The following MRTFB variants were observed in gnomAD, a reference collection of about 807,000 sequenced individuals.
The protein encoded by MRTFB is myocardin related transcription factor B.
A neutral mutation model predicts 104.2 loss-of-function variants in MRTFB; 29 were observed. That is an observed-to-expected ratio of 0.28 (90% CI 0.21 to 0.38). MRTFB has a LOEUF of 0.38. Ranked by LOEUF, MRTFB falls within the 10% of genes least tolerant of loss-of-function variation. The pLI is 1.00. For missense variants in MRTFB, 1,270 were observed against 1,341.6 expected (o/e 0.95, Z 0.83); for synonymous variants, 535 against 519.5 (o/e 1.03, Z -0.41).
the MRTFB span, among the ~76,000 whole-genome samples, chr16:14,058,718 T>G: frequency 2.2e-5 from 3 of 135,966 alleles, no homozygotes; most frequent in African/African-American, 5.6e-5. Context: ...ATTTGTTTTT[T>G]TTTTTTTTTT....
chr16:14,053,204 G>A, the MRTFB span, among the ~76,000 whole-genome samples: 1 of 151,958 alleles, frequency 6.6e-6, no homozygotes, highest in Non-Finnish European at 1.5e-5. Context: ...GGAATAATAG[G>A]CACAAACCAC....
intron 16 of MRTFB, among the ~76,000 whole-genome samples, 194 bp from the exon 17 acceptor site, chr16:14,260,715 A>G (rs895178533): frequency 1.3e-5 from 2 of 152,214 alleles, no homozygotes; most frequent in African/African-American, 2.4e-5. Flanking sequence ...ATGTTTATCT[A>G]TTTGACTAAA....
intron 3 of MRTFB, among the ~76,000 whole-genome samples, chr16:14,162,152 CAAAAAAAAA>C (rs376183467): frequency 3.2e-5 from 2 of 62,676 alleles, no homozygotes; most frequent in African/African-American, 4.4e-5. Context: ...CCTGTCTCTA[CAAAAAAAAA>C]AAAAAAAAAA....
At position 14,090,879 on chromosome 16, in the gene MRTFB, GGTGTGTGTGTGTGT is replaced by G. The variant is rs55685117; in HGVS notation, c.-64+11554_-64+11567del. On this transcript the variant is annotated intron_variant, in intron 2 of 16. Coordinates refer to ENST00000571589, the MANE Select transcript of MRTFB (RefSeq NM_001308142.2). ...CAGGTTTTCAAAATCAGTTCAGCATGGTGTGTGTGTGTGTGTGTGTGTGTGTGTGTGTGTGTGTG... is the reference window on the plus strand; with the variant it reads ...CAGGTTTTCAAAATCAGTTCAGCATGGTGTGTGTGTGTGTGTGTGTGTGTG... Among the ~76,000 whole-genome samples the G allele has an allele frequency of 1.2e-4, 17 of 141,786 alleles. No homozygotes were observed. In the South Asian group the frequency reaches 1.2e-3, roughly 10 times the overall value. 93.0% of individuals were successfully genotyped at this position (141,786 alleles called of 152,430 possible).
intron 3 of MRTFB, chr16:14,200,391 A>T: frequency 6.2e-7 from 1 of 1,607,812 alleles, no homozygotes; most frequent in Non-Finnish European, 8.5e-7. Context: ...GACACTAAAG[A>T]TGTTTCACTG....
chr16:14,172,073 G>A (rs993148375), intron 3 of MRTFB, among the ~76,000 whole-genome samples: 8 of 152,064 alleles, frequency 5.3e-5, no homozygotes, highest in African/African-American at 1.9e-4. Flanking sequence ...GGTTCTGAAA[G>A]TCAAAAATAT....
chr16:14,185,414 G>A (rs1361298059), intron 3 of MRTFB, among the ~76,000 whole-genome samples: 1 of 152,094 alleles, frequency 6.6e-6, no homozygotes, highest in African/African-American at 2.4e-5. Context: ...CCCAGAGGAG[G>A]GTCTCATCAG....
At chr16:14,247,758 G>A (rs975650408) in intron 12 of MRTFB, 2 of 487,026 alleles carry the variant, frequency 4.1e-6, no homozygotes, top group African/African-American at 3.8e-5. Context: ...TATCATCCAT[G>A]CAGACATTTT....
the MRTFB span, among the ~76,000 whole-genome samples, chr16:14,050,210 A>G: frequency 6.6e-6 from 1 of 152,204 alleles, no homozygotes; most frequent in African/African-American, 2.4e-5. Context: ...ATGTAAACAG[A>G]GGTAGAATCT....
chr16:14,145,011 T>TATAA (rs1567380377), intron 3 of MRTFB, among the ~76,000 whole-genome samples: 295 of 147,718 alleles, frequency 2.0e-3, no homozygotes, highest in African/African-American at 6.8e-3. Flanking sequence ...TATATATATA[T>TATAA]AACTTTTGTC....
At chr16:14,121,961 C>T (rs932040210) in intron 2 of MRTFB, among the ~76,000 whole-genome samples, 37 of 152,114 alleles carry the variant, frequency 2.4e-4, no homozygotes, top group Non-Finnish European at 4.0e-4. Flanking sequence ...CAGAGATAGC[C>T]GGTTGGGTGT....
At chr16:14,138,503 T>G (rs552089132) in intron 2 of MRTFB, among the ~76,000 whole-genome samples, 1 of 152,316 alleles carries the variant, frequency 6.6e-6, no homozygotes, top group Admixed American at 6.5e-5. Context: ...GACTCTAGAT[T>G]CTGTTAGGTT....
At chr16:14,228,676 C>A (rs547446802) in intron 8 of MRTFB, among the ~76,000 whole-genome samples, 1 of 152,040 alleles carries the variant, frequency 6.6e-6, no homozygotes, top group South Asian at 2.1e-4. Context: ...GCAACCCAAA[C>A]GTCCACTGCC....
chr16:14,205,795 G>C (rs1255585799), intron 3 of MRTFB, among the ~76,000 whole-genome samples: 1 of 152,170 alleles, frequency 6.6e-6, no homozygotes. Flanking sequence ...GGAAGATACT[G>C]TTACTCAACT....
the MRTFB span, among the ~76,000 whole-genome samples, chr16:14,025,347 T>C: frequency 7.4e-3 from 1,127 of 152,290 alleles, 8 homozygotes; most frequent in Middle Eastern, 0.014. Context: ...AGTGCAGCTA[T>C]CAATTTTTTT....
chr16:14,018,306 A>T, the MRTFB span, among the ~76,000 whole-genome samples: 1 of 152,200 alleles, frequency 6.6e-6, no homozygotes, highest in African/African-American at 2.4e-5. Context: ...AAAGGGAATA[A>T]TATCTAACTT....
At chr16:14,160,933 T>C (rs1322304270) in intron 3 of MRTFB, among the ~76,000 whole-genome samples, 1 of 152,152 alleles carries the variant, frequency 6.6e-6, no homozygotes, top group Non-Finnish European at 1.5e-5. Context: ...TTTCATTGGC[T>C]TCATCTTGGA....
At chr16:14,145,307 C>G (rs919272626) in intron 3 of MRTFB, among the ~76,000 whole-genome samples, 1 of 151,664 alleles carries the variant, frequency 6.6e-6, no homozygotes, top group African/African-American at 2.4e-5. Context: ...GTTATTATTC[C>G]TAGACATTTG....
chr16:14,240,189 T>G (rs761245180), intron 9 of MRTFB, 48 bp from the exon 10 acceptor site: 13 of 1,532,568 alleles, frequency 8.5e-6, no homozygotes, highest in Middle Eastern at 3.7e-4. Context: ...CAAAAGATTT[T>G]ATGTGGTGAC....
Sources: allele counts gnomAD v4.1 joint callset (sites outside exome capture counted in the v4.1 genomes callset), GRCh38; gene constraint gnomAD v4.1.1; transcripts MANE v1.5; gene names NCBI Gene and HGNC (gene_info 2026-07-23, HGNC 2026-07-21).